Variants in SMC4 observed in about 807,000 individuals in gnomAD.
The protein encoded by SMC4 is structural maintenance of chromosomes 4.
A neutral mutation model predicts 145.6 loss-of-function variants in SMC4; 87 were observed. The observed-to-expected ratio is 0.60, with a 90% CI of 0.50 to 0.71. The LOEUF is 0.71. SMC4 is among the 30% of genes least tolerant of loss of function. The probability of loss-of-function intolerance (pLI) is 0.00; values close to 1 mark genes in which losing one functional copy is unlikely to be tolerated. For missense variants in SMC4, 1,447 were observed against 1,537.1 expected, an observed-to-expected ratio of 0.94 and a Z score of 0.98; for synonymous variants, 558 against 500.7, an observed-to-expected ratio of 1.11 and a Z score of -1.53.
chr3:160,411,209 T>A (rs552042471), intron 5 of SMC4, among the ~76,000 whole-genome samples: 1 of 152,356 alleles, frequency 6.6e-6, no homozygotes, highest in East Asian at 1.9e-4. Context: ...TATTAGTGAT[T>A]ACAAACTGAA....
rs1456877366 is a variant in SMC4 at position 160,412,003 on chromosome 3, A to C, written c.771A>C (p.Ile257=). The change falls in exon 6 of 24, where the codon ATA becomes ATC. Residue 257 remains isoleucine, a synonymous_variant. Transcript: ENST00000357388. ...GTATGCTTGAATATTTAGAAGATAT[A>C]ATTGGTTGTGGACGGCTAAATGAAC... The part of the protein sequence containing the change: ...DEGMLEYLED[I]IGCGRLNEPI... 3.1e-6 allele frequency: 5 copies of C among 1,613,526 alleles called. 1 individual carries two copies. In the Middle Eastern group the frequency reaches 4.9e-4, roughly 159 times the overall value.
chr3:160,433,958 AAT>A lies in SMC4; in HGVS notation c.*151_*152del, dbSNP rs1300735987. On this transcript the variant is annotated 3_prime_UTR_variant, in exon 24 of 24. Coordinates refer to ENST00000357388, the MANE Select transcript of SMC4 (RefSeq NM_001002800.3). ...TATGCAGTTGTCATTTGTAAAGTCT[AAT>A]AAAATATTCTCTATAATTGCTTCTA... 2.8e-4 allele frequency: 154 copies of A among 541,272 alleles called. No individual in the cohort carries two copies. The highest frequency in any genetic ancestry group is 7.3e-5 in the Non-Finnish European group (23 of 313,208). 33.5% of individuals were successfully genotyped at this position (541,272 alleles called of 1,614,324 possible). A position where few individuals can be genotyped will look rare whatever the true frequency, so the allele number is the denominator to read the frequency against.
intron 23 of SMC4, 183 bp from the exon 24 acceptor site, chr3:160,433,474 C>A: frequency 1.8e-6 from 1 of 548,566 alleles, no homozygotes; most frequent in Non-Finnish European, 3.2e-6. Flanking sequence ...AGATCTTTTC[C>A]ACTAGAAGTC....
chr3:160,418,100 T>C, intron 11 of SMC4, 144 bp downstream of exon 11: 1 of 685,962 alleles, frequency 1.5e-6, no homozygotes, highest in South Asian at 1.7e-5. Context: ...GGTCAGCATT[T>C]CAGTATTCCA....
intron 3 of SMC4, 140 bp from the exon 4 acceptor site, chr3:160,402,536 C>T (rs1714816842): frequency 1.3e-6 from 1 of 774,426 alleles, no homozygotes; most frequent in African/African-American, 1.8e-5. Context: ...AGTCGTATGC[C>T]TGTGATTAGC....
In SMC4 at chr3:160,434,362, C is replaced by T. The variant is rs373194542; in HGVS notation, c.*553C>T. On this transcript the variant is annotated 3_prime_UTR_variant, in exon 24 of 24. Transcript: ENST00000357388. ...ATTTATGACTTAATTACCAGAGAGC[C>T]AGTAAATTAGGACAGTGTTTCAACA... is the stretch of plus-strand genomic sequence containing the variant. 2.6e-5 allele frequency: 4 copies of T among 151,980 alleles called. No homozygotes were observed. The highest frequency in any genetic ancestry group is 9.7e-5 in the African/African-American group (4 of 41,418). 9.4% of individuals were successfully genotyped at this position (151,980 alleles called of 1,614,324 possible). A position where few individuals can be genotyped will look rare whatever the true frequency, so the allele number is the denominator to read the frequency against.
intron 7 of SMC4, 25 bp from the exon 8 acceptor site, chr3:160,413,448 C>CTTT: frequency 1.6e-5 from 21 of 1,276,010 alleles, no homozygotes; most frequent in Admixed American, 1.0e-4. Context: ...GCTTCAATTT[C>CTTT]TTTTTTTTTT....
Position 160,428,835 on chromosome 3 carries a change from T to G in SMC4, c.2688T>G (p.Asn896Lys), listed in dbSNP as rs770083766. The change falls in exon 18 of 24, where the codon AAT becomes AAG. Residue 896 changes from asparagine (N) to lysine (K), a missense_variant. By Grantham distance (94) the Asn-to-Lys change is moderately conservative. Coordinates refer to ENST00000357388, the MANE Select transcript of SMC4 (RefSeq NM_001002800.3). ...ACAATACCATCGTAGAAATCAATAA[T>G]CATAAACTCAAGGCCCAACAAGACA... ...RLHNTIVEIN[N>K]HKLKAQQDKL... 6.2e-7 allele frequency: 1 copy of G among 1,607,212 alleles called. No individual in the cohort carries two copies. The highest frequency in any genetic ancestry group is 8.5e-7 in the Non-Finnish European group (1 of 1,178,596).
chr3:160,433,509 T>A (rs1012860688), intron 23 of SMC4, 148 bp from the exon 24 acceptor site: 17 of 583,522 alleles, frequency 2.9e-5, no homozygotes, highest in Non-Finnish European at 5.0e-5. Flanking sequence ...CCTTTCACAC[T>A]CAAATACTGT....
Position 160,399,650 on chromosome 3 carries a change from A to G in SMC4, c.-105A>G, listed in dbSNP as rs1313947645. ...CGTTCGAGTTTGTATTTTAGGCGCC[A>G]TTTTCGAGTGAAGGACCCGGAGCCG... is the stretch of plus-strand genomic sequence containing the variant. On this transcript the variant is annotated 5_prime_UTR_variant, in exon 1 of 24. Coordinates refer to ENST00000357388, the MANE Select transcript of SMC4 (RefSeq NM_001002800.3). 2.0e-5 allele frequency: 3 copies of G among 152,520 alleles called. No individual in the cohort carries two copies. The highest frequency in any genetic ancestry group is 4.8e-5 in the African/African-American group (2 of 41,402). The allele number at this position is 152,520 out of a possible 1,614,324, so 9.4% of individuals were successfully genotyped here.
intron 15 of SMC4, 69 bp from the exon 16 acceptor site, chr3:160,424,798 T>C (rs1199120767): frequency 6.3e-7 from 1 of 1,579,336 alleles, no homozygotes; most frequent in East Asian, 2.3e-5. Context: ...CGACAGAAGT[T>C]TTAGTTTTCT....
At position 160,430,580 on chromosome 3, in the gene SMC4, C is replaced by T. The variant is rs762781544; in HGVS notation, c.2796-19C>T. 4 of 1,530,740 alleles carry T rather than the reference C, an allele frequency of 2.6e-6. No homozygotes were observed. The highest frequency in any genetic ancestry group is 2.6e-6 in the Non-Finnish European group (3 of 1,139,942). 94.8% of individuals were successfully genotyped at this position (1,530,740 alleles called of 1,614,324 possible). On this transcript the variant is annotated intron_variant, in intron 18 of 23. Coordinates refer to ENST00000357388, the MANE Select transcript of SMC4 (RefSeq NM_001002800.3). ...AAATCACCTTACCACATTTTTGATG[C>T]ATCATTTTGCTTCTTTAGAAACCTT...
At chr3:160,413,421 G>A in intron 7 of SMC4, 52 bp from the exon 8 acceptor site, 2 of 1,535,894 alleles carry the variant, frequency 1.3e-6, no homozygotes, top group Non-Finnish European at 1.8e-6. Flanking sequence ...TACAGTTTTG[G>A]AAATGGCATT....
Position 160,432,345 on chromosome 3 carries a change from T to TA in SMC4, c.3361dup (p.Arg1121LysfsTer5). 1 of 1,613,984 alleles carries TA rather than the reference T, an allele frequency of 6.2e-7. No homozygotes were observed. The highest frequency in any genetic ancestry group is 8.5e-7 in the Non-Finnish European group (1 of 1,179,964). On this transcript the variant is annotated frameshift_variant, in exon 22 of 24. Transcript: ENST00000357388. LOFTEE classifies it high-confidence loss of function. The stretch of plus-strand genomic sequence containing the variant: ...AAATTACTTATGAAAGAGACAGTTT[T>TA]AGACAGGCATATGAAGATCTTCGGA...
chr3:160,423,828 C>T lies in SMC4; in HGVS notation c.2313C>T (p.Ile771=). ...GRMGSSLVIE[I]SEEEVNKMES... is the part of the protein sequence containing the mutation. ...TGGGTTCCTCACTTGTTATTGAAAT[C>T]TCTGAAGAAGAGGTCAGCATATCTA... Residue 771 remains isoleucine, a synonymous_variant, in exon 15 of 24, where the codon ATC becomes ATT. Transcript: ENST00000357388. The T allele has an allele frequency of 6.2e-7, 1 of 1,611,446 alleles. No homozygotes were observed. Among genetic ancestry groups the T allele is most frequent in the Non-Finnish European group, 8.5e-7 (1 of 1,178,994 alleles).
intron 7 of SMC4, 129 bp downstream of exon 7, chr3:160,412,582 CTGAA>C (rs1716130611): frequency 1.5e-6 from 2 of 1,348,988 alleles, no homozygotes; most frequent in East Asian, 6.2e-5. Context: ...TTTTGTGTGA[CTGAA>C]TGTGTTAGCT....
chr3:160,419,563 G>T lies in SMC4; in HGVS notation c.1857+20G>T. The stretch of plus-strand genomic sequence containing the variant: ...AGATTGGTAAAGTAGATTTTTGGGG[G>T]GCATGGCTTTACTTTTTTTTTTTAA... On this transcript the variant is annotated intron_variant, in intron 12 of 23. Coordinates refer to ENST00000357388, the MANE Select transcript of SMC4 (RefSeq NM_001002800.3). 1.9e-6 allele frequency: 3 copies of T among 1,562,846 alleles called. No homozygotes were observed. The highest frequency in any genetic ancestry group is 2.3e-5 in the East Asian group (1 of 43,898).
In SMC4 at chr3:160,428,935, G is replaced by GCT; in HGVS notation, c.2789_2790dup (p.Asp931LeufsTer19). 6.3e-7 allele frequency: 1 copy of GCT among 1,585,864 alleles called. No individual in the cohort carries two copies. Among genetic ancestry groups the GCT allele is most frequent in the Non-Finnish European group, 8.5e-7 (1 of 1,173,304 alleles). On this transcript the variant is annotated frameshift_variant, in exon 18 of 24. Transcript: ENST00000357388. LOFTEE classifies it high-confidence loss of function. ...TAAAGCCCAAGTAGCAATCAAGACT[G>GCT]CTGACAGGTAGAGTATGCATGTTAC...
Position 160,430,673 on chromosome 3 carries a change from A to G in SMC4, c.2870A>G (p.Asp957Gly), listed in dbSNP as rs1175209861. The change falls in exon 19 of 24, where the codon GAC becomes GGC. Residue 957 changes from aspartate (D) to glycine (G), a missense_variant. By Grantham distance (94) the Asp-to-Gly change is moderately conservative. Transcript: ENST00000357388. The part of the protein sequence containing the change: ...EIKDTEKEVD[D>G]LTAELKSLED... ...AAAGATACTGAGAAAGAGGTGGATGACCTAACAGCAGAGCTGAAAAGTCTT... is the reference window on the plus strand; with the variant it reads ...AAAGATACTGAGAAAGAGGTGGATGGCCTAACAGCAGAGCTGAAAAGTCTT... The G allele has an allele frequency of 6.2e-7, 1 of 1,613,636 alleles. No homozygotes were observed. Among genetic ancestry groups the G allele is most frequent in the Non-Finnish European group, 8.5e-7 (1 of 1,179,836 alleles).
Sources: allele counts gnomAD v4.1 joint callset (sites outside exome capture counted in the v4.1 genomes callset), GRCh38; gene constraint gnomAD v4.1.1; transcripts MANE v1.5; gene names NCBI Gene and HGNC (gene_info 2026-07-23, HGNC 2026-07-21).